Variants in KIF9 observed in about 807,000 individuals in gnomAD.
KIF9 encodes the protein kinesin-like protein KIF9.
A neutral mutation model predicts 94.8 loss-of-function variants in KIF9; 68 were observed. That is an observed-to-expected ratio of 0.72 (90% CI 0.59 to 0.88). The LOEUF (loss-of-function observed/expected upper bound fraction) is 0.88, where lower values mean the gene tolerates loss of function less well. Among genes scored for constraint, KIF9 ranks in the 40% least tolerant of loss-of-function variants. The pLI is 0.00. For missense variants in KIF9, 882 were observed against 982.5 expected (o/e 0.90, Z 1.37); for synonymous variants, 343 against 362.1 (o/e 0.95, Z 0.60).
At chr3:47,243,891 C>A (rs1699748575) in intron 15 of KIF9, 1 of 152,272 alleles carries the variant, frequency 6.6e-6, no homozygotes, top group African/African-American at 2.4e-5. Flanking sequence ...ACGAGTATGG[C>A]TCAGGGAACT....
rs1410919990 is a variant in KIF9, at chr3:47,246,247, G to A, written c.1239C>T (p.Ile413=). 22 of 1,605,622 alleles carry A rather than the reference G, an allele frequency of 1.4e-5. No individual in the cohort carries two copies. Among genetic ancestry groups the A allele is most frequent in the Non-Finnish European group, 1.8e-5 (21 of 1,175,704 alleles). ...ACACCTCCTTGATCTGTCTAAGGCT[G>A]ATTATCTGGAGGGAAGACAGCAAGG... is the stretch of plus-strand genomic sequence containing the variant. ...LEGTLDEIDI[I]SLRQIKEVFN... is the part of the protein sequence containing the mutation. The change falls in exon 13 of 21, where the codon ATC becomes ATT. Residue 413 remains isoleucine, a synonymous_variant. Coordinates refer to ENST00000684063, the MANE Select transcript of KIF9 (RefSeq NM_182902.4).
intron 8 of KIF9, among the ~76,000 whole-genome samples, chr3:47,264,934 C>T (rs147710083): frequency 2.4e-4 from 37 of 152,296 alleles, no homozygotes; most frequent in African/African-American, 7.7e-4. Flanking sequence ...TGTGAGGATA[C>T]GCGAGAAGGT....
At chr3:47,249,354 C>T (rs1246889177) in intron 10 of KIF9, among the ~76,000 whole-genome samples, 3 of 151,858 alleles carry the variant, frequency 2.0e-5, no homozygotes, top group Admixed American at 1.3e-4. Context: ...CCATGTTGGC[C>T]AGGCTGGTCT....
intron 2 of KIF9, among the ~76,000 whole-genome samples, chr3:47,276,495 G>T (rs1329171146): frequency 6.6e-6 from 1 of 151,020 alleles, no homozygotes. Flanking sequence ...GGCGGAGGTT[G>T]CAGTGAGCCA....
At chr3:47,262,477 C>G (rs949260006) in intron 9 of KIF9, among the ~76,000 whole-genome samples, 1 of 152,056 alleles carries the variant, frequency 6.6e-6, no homozygotes, top group Admixed American at 6.6e-5. Context: ...ACCATGTTGG[C>G]CAGGCTGGTC....
chr3:47,256,211 G>A (rs1173653738), intron 10 of KIF9, among the ~76,000 whole-genome samples: 3 of 149,390 alleles, frequency 2.0e-5, no homozygotes, highest in Non-Finnish European at 3.0e-5. Flanking sequence ...GCGTCTCTGC[G>A]TGGCCGCCCA....
intron 10 of KIF9, among the ~76,000 whole-genome samples, chr3:47,250,065 G>C (rs150198566): frequency 1.3e-3 from 190 of 151,034 alleles, no homozygotes; most frequent in Middle Eastern, 0.01. Context: ...AAAAAAAATT[G>C]TAATACCTTC....
intron 11 of KIF9, among the ~76,000 whole-genome samples, chr3:47,247,750 C>A (rs1379957977): frequency 1.3e-5 from 2 of 152,194 alleles, no homozygotes; most frequent in African/African-American, 2.4e-5. Flanking sequence ...CTGGCTGAGT[C>A]CCAGCAGACT....
At chr3:47,256,938 A>G (rs1700654161) in intron 10 of KIF9, among the ~76,000 whole-genome samples, 1 of 152,098 alleles carries the variant, frequency 6.6e-6, no homozygotes, top group South Asian at 2.1e-4. Flanking sequence ...CAGATGCTTG[A>G]AGGCAGCATG....
intron 4 of KIF9, 57 bp from the exon 5 acceptor site, chr3:47,271,518 A>C: frequency 7.8e-7 from 1 of 1,274,632 alleles, no homozygotes; most frequent in Non-Finnish European, 1.1e-6. Flanking sequence ...GCCAACTAGC[A>C]TAAGGGGGGC....
chr3:47,269,189 C>CATTGCACATGTGATCATGCCTGTGAATAG lies in KIF9; in HGVS notation c.592-1927_592-1926insCTATTCACAGGCATGATCACATGTGCAAT, dbSNP rs1576064553. Reference sequence around the variant, plus strand: ...CCTGTGAATAGCCATTGCACATGTGCCCATTGCCTGGGCAACACAGCGAGA... The same window carrying CATTGCACATGTGATCATGCCTGTGAATAG: ...CCTGTGAATAGCCATTGCACATGTGCATTGCACATGTGATCATGCCTGTGAATAGCCATTGCCTGGGCAACACAGCGAGA... On this transcript the variant is annotated intron_variant, in intron 5 of 20. Coordinates refer to ENST00000684063, the MANE Select transcript of KIF9 (RefSeq NM_182902.4). 3.3e-5 allele frequency among the ~76,000 whole-genome samples: 5 copies of CATTGCACATGTGATCATGCCTGTGAATAG among 152,318 alleles called. No individual in the cohort carries two copies. The East Asian group carries it at 9.6e-4, about 29-fold the overall frequency.
At chr3:47,231,921 T>C (rs1698618580) in intron 20 of KIF9, 1 of 152,132 alleles carries the variant, frequency 6.6e-6, no homozygotes, top group African/African-American at 2.4e-5. Flanking sequence ...CTAGGGGAAA[T>C]GATGACACAA....
intron 3 of KIF9, among the ~76,000 whole-genome samples, chr3:47,274,961 G>A (rs572497943): frequency 6.6e-6 from 1 of 152,298 alleles, no homozygotes; most frequent in East Asian, 1.9e-4. Context: ...TGTGTTGGTA[G>A]AATACATGAA....
At chr3:47,281,015 A>C (rs767705516) in intron 1 of KIF9, 10 of 702,944 alleles carry the variant, frequency 1.4e-5, no homozygotes. Context: ...TCCCAAAATT[A>C]AATTACAAGC....
intron 10 of KIF9, among the ~76,000 whole-genome samples, chr3:47,256,641 G>A (rs1267855431): frequency 1.3e-5 from 2 of 152,252 alleles, no homozygotes; most frequent in Non-Finnish European, 2.9e-5. Context: ...TCTGGGAGGT[G>A]TGCCCAGCGG....
intron 19 of KIF9, 58 bp from the exon 20 acceptor site, chr3:47,235,675 G>A: frequency 1.4e-6 from 2 of 1,385,146 alleles, no homozygotes; most frequent in East Asian, 2.3e-5. Flanking sequence ...AGCAGAGCCT[G>A]TGGTGTGCAT....
In KIF9 at chr3:47,243,199, C is replaced by G; in HGVS notation, c.1561G>C (p.Asp521His). The G allele has an allele frequency of 1.2e-6, 2 of 1,613,232 alleles. No homozygotes were observed. The highest frequency in any genetic ancestry group is 1.7e-6 in the Non-Finnish European group (2 of 1,179,432). Reference sequence around the variant, plus strand: ...TTGGAGGTGGAAACGTAATCCAAGTCCTTCCCATTCACAGGGCTGCTGGCA... The same window carrying G: ...TTGGAGGTGGAAACGTAATCCAAGTGCTTCCCATTCACAGGGCTGCTGGCA... ...EGASSPVNGK[D>H]LDYVSTSKTQ... Residue 521 changes from aspartate to histidine, a missense_variant, in exon 16 of 21, where the codon GAC becomes CAC. Physicochemically the swap from Asp to His is moderately conservative, Grantham distance 81. Transcript: ENST00000684063.
chr3:47,242,297 G>A (rs1007098459), intron 16 of KIF9, among the ~76,000 whole-genome samples: 44 of 152,212 alleles, frequency 2.9e-4, no homozygotes, highest in Admixed American at 8.5e-4. Context: ...GTTAATGAGT[G>A]TAAGATGAAG....
rs748824635 is a variant in KIF9, at chr3:47,244,864, G to T, written c.1441C>A (p.Leu481Ile). 2.5e-6 allele frequency: 4 copies of T among 1,614,072 alleles called. No homozygotes were observed. Among genetic ancestry groups the T allele is most frequent in the Non-Finnish European group, 3.4e-6 (4 of 1,180,042 alleles). Residue 481 changes from leucine to isoleucine, a missense_variant, in exon 15 of 21, where the codon CTC becomes ATC. Leu to Ile is a conservative substitution (Grantham distance 5). Coordinates refer to ENST00000684063, the MANE Select transcript of KIF9 (RefSeq NM_182902.4). ...TTGGTAGAGAAAGGGGCGACTCCGA[G>T]TCCAAAGTTTTGTCCTTCAGGCTCA... ...VGEPEGQNFG[L>I]GVAPFSTKPG...
Sources: allele counts gnomAD v4.1 joint callset (sites outside exome capture counted in the v4.1 genomes callset), GRCh38; gene constraint gnomAD v4.1.1; transcripts MANE v1.5; gene names NCBI Gene and HGNC (gene_info 2026-07-23, HGNC 2026-07-21).